EDC3: variants seen among roughly 807,000 people sequenced by gnomAD.
EDC3 encodes enhancer of mRNA decapping 3.
In EDC3, 20 loss-of-function variants were observed where a neutral mutation model predicts 41.8. The ratio of observed to expected loss-of-function variants is 0.48; its 90% CI spans 0.34 to 0.70. EDC3 has a LOEUF of 0.70. EDC3 is among the 30% of genes least tolerant of loss of function. EDC3 has a pLI of 0.01. For synonymous variants in EDC3, 206 were observed against 243.2 expected, an observed-to-expected ratio of 0.85 and a Z score of 1.42; for missense variants, 444 against 636.8, an observed-to-expected ratio of 0.70 and a Z score of 3.26.
Position 74,640,166 on chromosome 15 carries a change from C to T in EDC3, c.974+300G>A, listed in dbSNP as rs181954740. 6.6e-5 allele frequency: 21 copies of T among 315,814 alleles called. No homozygotes were observed. The East Asian group carries it at 1.2e-3, about 18-fold the overall frequency. The allele number at this position is 315,814 out of a possible 1,614,324, so 19.6% of individuals were successfully genotyped here. ...TGATGAGTGCCAAAGGCCAGGTCTC[C>T]GAAGGTTCCTAGAAGGAAGGCTTCT... On this transcript the variant is annotated intron_variant, in intron 5 of 6. Transcript: ENST00000315127.
intron 3 of EDC3, among the ~76,000 whole-genome samples, chr15:74,669,886 C>CA (rs1325602685): frequency 3.9e-5 from 6 of 152,100 alleles, no homozygotes; most frequent in Admixed American, 3.9e-4. Context: ...CACTGTCACC[C>CA]AGGCTGAAGT....
intron 1 of EDC3, among the ~76,000 whole-genome samples, chr15:74,694,634 C>T (rs1194786546): frequency 6.6e-6 from 1 of 152,168 alleles, no homozygotes; most frequent in Non-Finnish European, 1.5e-5. Flanking sequence ...TACGTCATGA[C>T]CTATTAGGGG....
At position 74,631,002 on chromosome 15, in the gene EDC3, C is replaced by G. The variant is rs950160614; in HGVS notation, c.*1610G>C. On this transcript the variant is annotated 3_prime_UTR_variant, in exon 7 of 7. Transcript: ENST00000315127. The stretch of plus-strand genomic sequence containing the variant: ...CCTCAGATTTTGGCCAAGAGAGGGC[C>G]CCGGCTTGGGAGCTGCTTGGCCCTG... 7 of 152,210 alleles carry G rather than the reference C, an allele frequency of 4.6e-5. No homozygotes were observed. Among genetic ancestry groups the G allele is most frequent in the Admixed American group, 3.3e-4 (5 of 15,286 alleles). The allele number at this position is 152,210 out of a possible 1,614,324, so 9.4% of individuals were successfully genotyped here.
At chr15:74,664,082 TC>T (rs1208482059) in intron 3 of EDC3, among the ~76,000 whole-genome samples, 4 of 152,212 alleles carry the variant, frequency 2.6e-5, no homozygotes, top group Non-Finnish European at 5.9e-5. Flanking sequence ...CTAAACACTG[TC>T]AGGAAAGCAG....
At position 74,631,101 on chromosome 15, in the gene EDC3, AT is replaced by A. The variant is rs901620134; in HGVS notation, c.*1510del. The A allele has an allele frequency of 6.6e-6, 1 of 152,286 alleles. No individual in the cohort carries two copies. Among genetic ancestry groups the A allele is most frequent in the African/African-American group, 2.4e-5 (1 of 41,450 alleles). 9.4% of individuals were successfully genotyped at this position (152,286 alleles called of 1,614,324 possible). ...TGGCCTCTTCCCATCGCTGGAGACA[AT>A]TTAAGACTGAAGGGAAGATGAGAGG... is the stretch of plus-strand genomic sequence containing the variant. On this transcript the variant is annotated 3_prime_UTR_variant, in exon 7 of 7. Coordinates refer to ENST00000315127, the MANE Select transcript of EDC3 (RefSeq NM_025083.5).
chr15:74,644,788 T>G (rs556987694), intron 4 of EDC3: 1 of 152,136 alleles, frequency 6.6e-6, no homozygotes, highest in Non-Finnish European at 1.5e-5. Context: ...GCTTTGAACT[T>G]TAAGAGGCAA....
intron 4 of EDC3, among the ~76,000 whole-genome samples, chr15:74,645,671 TCATCC>T: frequency 7.1e-6 from 1 of 141,684 alleles, no homozygotes; most frequent in Middle Eastern, 3.7e-3. Flanking sequence ...GAGTTCGAGA[TCATCC>T]TGGGCAACAT....
At chr15:74,662,430 TA>T (rs1362877859) in intron 3 of EDC3, among the ~76,000 whole-genome samples, 2 of 146,976 alleles carry the variant, frequency 1.4e-5, no homozygotes, top group African/African-American at 5.1e-5. Flanking sequence ...TATATATATA[TA>T]TATATTTTTT....
chr15:74,682,445 C>T (rs956343260), intron 1 of EDC3, among the ~76,000 whole-genome samples: 21 of 151,610 alleles, frequency 1.4e-4, no homozygotes, highest in African/African-American at 5.1e-4. Context: ...GGTGAAACCC[C>T]GTCTCTACTA....
intron 3 of EDC3, among the ~76,000 whole-genome samples, chr15:74,662,923 C>T (rs1243134964): frequency 6.6e-6 from 1 of 152,198 alleles, no homozygotes; most frequent in Non-Finnish European, 1.5e-5. Context: ...GACCCAAATA[C>T]TCTGAAGGCA....
intron 1 of EDC3, among the ~76,000 whole-genome samples, chr15:74,690,059 TA>T (rs2062988417): frequency 6.6e-6 from 1 of 152,090 alleles, no homozygotes; most frequent in South Asian, 2.1e-4. Context: ...ATTCCACTTC[TA>T]AAAAAAACTA....
chr15:74,675,211 A>G lies in EDC3; in HGVS notation c.-18-69T>C, dbSNP rs570078114. On this transcript the variant is annotated intron_variant, in intron 1 of 6. Coordinates refer to ENST00000315127, the MANE Select transcript of EDC3 (RefSeq NM_025083.5). ...AAACTTTTAATTAAATTCAGCAAATATATCAGGCTCTGTACCAAGTGTTGG... is the reference window on the plus strand; with the variant it reads ...AAACTTTTAATTAAATTCAGCAAATGTATCAGGCTCTGTACCAAGTGTTGG... 2.8e-5 allele frequency: 40 copies of G among 1,432,556 alleles called. No individual in the cohort carries two copies. The South Asian group carries it at 4.4e-4, about 16-fold the overall frequency. 88.7% of individuals were successfully genotyped at this position (1,432,556 alleles called of 1,614,324 possible). A position where few individuals can be genotyped will look rare whatever the true frequency, so the allele number is the denominator to read the frequency against.
chr15:74,637,268 G>A (rs1826917752), intron 5 of EDC3: 2 of 152,216 alleles, frequency 1.3e-5, no homozygotes. Flanking sequence ...CAGACACTAA[G>A]AGAAAAGACT....
intron 3 of EDC3, among the ~76,000 whole-genome samples, chr15:74,656,561 C>G (rs1472276955): frequency 6.6e-6 from 1 of 152,172 alleles, no homozygotes; most frequent in Non-Finnish European, 1.5e-5. Flanking sequence ...GTTTTTCTGA[C>G]AACTTACTAT....
intron 4 of EDC3, among the ~76,000 whole-genome samples, chr15:74,645,567 G>C (rs972130331): frequency 5.2e-5 from 7 of 134,586 alleles, no homozygotes; most frequent in Admixed American, 1.4e-4. Context: ...AAAAAGTTGG[G>C]GGGGGGGGGG....
intron 1 of EDC3, among the ~76,000 whole-genome samples, chr15:74,690,860 G>A (rs1027972544): frequency 1.3e-5 from 2 of 151,752 alleles, no homozygotes; most frequent in Non-Finnish European, 2.9e-5. Context: ...TTCCATAAAA[G>A]GCAGCACGGT....
intron 4 of EDC3, among the ~76,000 whole-genome samples, chr15:74,651,879 AACATCATAGTT>A: frequency 6.6e-6 from 1 of 152,210 alleles, no homozygotes; most frequent in East Asian, 1.9e-4. Context: ...CTACCAAACA[AACATCATAGTT>A]CAGCCTAGCC....
chr15:74,685,908 CCTGA>C (rs796912956), intron 1 of EDC3, among the ~76,000 whole-genome samples: 43 of 152,300 alleles, frequency 2.8e-4, no homozygotes, highest in African/African-American at 1.0e-3. Context: ...AAGAGTATGT[CCTGA>C]CTGAGTGTGG....
At chr15:74,656,546 CAA>C (rs2062550942) in intron 3 of EDC3, among the ~76,000 whole-genome samples, 2 of 152,194 alleles carry the variant, frequency 1.3e-5, no homozygotes, top group South Asian at 4.2e-4. Context: ...CTGGTAATGA[CAA>C]AAGTTTTTCT....
Sources: gnomAD v4.1 joint callset for allele counts (sites outside exome capture counted in the v4.1 genomes callset) on GRCh38, gnomAD v4.1.1 for gene constraint, MANE v1.5 for transcripts, NCBI Gene and HGNC (gene_info 2026-07-23, HGNC 2026-07-21) for gene names.